Variants in SLC2A13 observed in about 807,000 individuals in gnomAD.
SLC2A13 encodes proton myo-inositol cotransporter.
In SLC2A13, 32 loss-of-function variants were observed where a neutral mutation model predicts 64.4. The observed-to-expected ratio is 0.50, with a 90% confidence interval of 0.37 to 0.67. The LOEUF is 0.67. Among genes scored for constraint, SLC2A13 ranks in the 30% least tolerant of loss-of-function variants. SLC2A13 has a pLI of 0.00. For missense variants in SLC2A13, 743 were observed against 829.2 expected (o/e 0.90, Z 1.28); for synonymous variants, 338 against 327.1 (o/e 1.03, Z -0.36).
At chr12:40,077,568 T>A (rs1274750765) in intron 1 of SLC2A13, among the ~76,000 whole-genome samples, 2 of 152,190 alleles carry the variant, frequency 1.3e-5, no homozygotes, top group Admixed American at 6.5e-5. Context: ...TGTAATATAG[T>A]TTGAAGTTGG....
intron 6 of SLC2A13, among the ~76,000 whole-genome samples, chr12:39,849,072 A>G (rs1469132589): frequency 1.6e-4 from 25 of 152,138 alleles, no homozygotes; most frequent in Admixed American, 1.6e-3. Flanking sequence ...ACTATTGGGT[A>G]CTGAGCTTAA....
At chr12:39,850,276 A>T (rs1943432219) in intron 6 of SLC2A13, among the ~76,000 whole-genome samples, 1 of 152,146 alleles carries the variant, frequency 6.6e-6, no homozygotes, top group South Asian at 2.1e-4. Flanking sequence ...GTATTGATAT[A>T]TTTTTCAACA....
chr12:39,862,418 G>A (rs73103034), intron 6 of SLC2A13, among the ~76,000 whole-genome samples: 6,512 of 152,232 alleles, frequency 0.043, 221 homozygotes, highest in African/African-American at 0.095. Context: ...ACAAGTGGAC[G>A]TGCTGAGTCA....
intron 1 of SLC2A13, among the ~76,000 whole-genome samples, chr12:40,057,959 T>C (rs1436238318): frequency 1.3e-5 from 2 of 152,040 alleles, no homozygotes; most frequent in Non-Finnish European, 2.9e-5. Context: ...ACGGATATTA[T>C]CTTCATCAAC....
chr12:39,863,709 T>C (rs1274384400), intron 6 of SLC2A13, among the ~76,000 whole-genome samples: 1 of 152,080 alleles, frequency 6.6e-6, no homozygotes, highest in Non-Finnish European at 1.5e-5. Flanking sequence ...AGTGAGCCAA[T>C]AATAAACAAA....
At chr12:40,009,774 T>A (rs1382626607) in intron 3 of SLC2A13, among the ~76,000 whole-genome samples, 1 of 152,182 alleles carries the variant, frequency 6.6e-6, no homozygotes, top group African/African-American at 2.4e-5. Flanking sequence ...AGGCCAGAAC[T>A]CTGCTCTAAA....
At chr12:40,054,977 T>C (rs1297880056) in intron 1 of SLC2A13, among the ~76,000 whole-genome samples, 1 of 152,178 alleles carries the variant, frequency 6.6e-6, no homozygotes, top group Non-Finnish European at 1.5e-5. Context: ...TGCTTTATCA[T>C]CTCTAAAGAA....
At chr12:39,971,633 A>G (rs1255575961) in intron 3 of SLC2A13, among the ~76,000 whole-genome samples, 1 of 152,092 alleles carries the variant, frequency 6.6e-6, no homozygotes, top group East Asian at 1.9e-4. Flanking sequence ...ATAACAATCC[A>G]TATAGTTTAT....
At chr12:39,998,665 A>AT (rs1354244245) in intron 3 of SLC2A13, among the ~76,000 whole-genome samples, 2 of 152,234 alleles carry the variant, frequency 1.3e-5, no homozygotes, top group Non-Finnish European at 2.9e-5. Context: ...CTTGCTTTTG[A>AT]TTTTACAGGC....
At chr12:40,036,762 A>G (rs1180757987) in intron 2 of SLC2A13, among the ~76,000 whole-genome samples, 1 of 152,106 alleles carries the variant, frequency 6.6e-6, no homozygotes, top group Non-Finnish European at 1.5e-5. Flanking sequence ...AGGTCCTCTG[A>G]TTTTCCATAA....
chr12:39,855,952 T>C (rs1187211576), intron 6 of SLC2A13, among the ~76,000 whole-genome samples: 1 of 152,236 alleles, frequency 6.6e-6, no homozygotes, highest in Non-Finnish European at 1.5e-5. Context: ...AAACACTATG[T>C]GACCTGTTTT....
chr12:39,881,954 A>T (rs1056141165), intron 4 of SLC2A13, among the ~76,000 whole-genome samples: 3 of 151,966 alleles, frequency 2.0e-5, no homozygotes, highest in Middle Eastern at 3.4e-3. Flanking sequence ...TCCACACAAC[A>T]TCTGAGTCTC....
At chr12:39,878,108 C>A (rs1944237956) in intron 4 of SLC2A13, among the ~76,000 whole-genome samples, 1 of 152,234 alleles carries the variant, frequency 6.6e-6, no homozygotes, top group Admixed American at 6.5e-5. Context: ...GCCAGCACCA[C>A]TCTTCCTCAA....
At chr12:40,095,588 C>T (rs1057239321) in intron 1 of SLC2A13, among the ~76,000 whole-genome samples, 11 of 152,182 alleles carry the variant, frequency 7.2e-5, no homozygotes, top group African/African-American at 2.4e-4. Context: ...CTTGGAGGTT[C>T]CTCCTAGCTT....
intron 6 of SLC2A13, among the ~76,000 whole-genome samples, chr12:39,862,841 C>T (rs56221715): frequency 0.072 from 10,926 of 152,152 alleles, 873 homozygotes; most frequent in African/African-American, 0.2. Flanking sequence ...GCAATTGTCA[C>T]TTGTTTGTGT....
chr12:39,893,528 G>C (rs1944666387), intron 4 of SLC2A13, among the ~76,000 whole-genome samples: 1 of 152,202 alleles, frequency 6.6e-6, no homozygotes, highest in Non-Finnish European at 1.5e-5. Flanking sequence ...TCAAACTCCT[G>C]ACCTCAGGTG....
chr12:39,955,873 C>T (rs181074111), intron 3 of SLC2A13, among the ~76,000 whole-genome samples: 12 of 152,276 alleles, frequency 7.9e-5, no homozygotes, highest in Non-Finnish European at 1.6e-4. Context: ...CCTCTACGGA[C>T]TCTGGAGGGG....
intron 3 of SLC2A13, among the ~76,000 whole-genome samples, chr12:39,991,739 A>G (rs1947141659): frequency 6.6e-6 from 1 of 152,148 alleles, no homozygotes; most frequent in African/African-American, 2.4e-5. Context: ...TGTCAGTATG[A>G]AGTTGCCTAA....
chr12:39,960,015 C>T (rs1444399150), intron 3 of SLC2A13, among the ~76,000 whole-genome samples: 2 of 152,154 alleles, frequency 1.3e-5, no homozygotes, highest in African/African-American at 2.4e-5. Context: ...TGTTGTTCCC[C>T]TCCCCGTGTC....
Sources: gnomAD v4.1 joint callset for allele counts (sites outside exome capture counted in the v4.1 genomes callset) on GRCh38, gnomAD v4.1.1 for gene constraint, MANE v1.5 for transcripts, NCBI Gene and HGNC (gene_info 2026-07-23, HGNC 2026-07-21) for gene names.